Variants in SSBP2 observed in about 807,000 individuals in gnomAD.
SSBP2 encodes the protein single stranded DNA binding protein 2.
A neutral mutation model predicts 61.8 loss-of-function variants in SSBP2; 17 were observed. The ratio of observed to expected loss-of-function variants is 0.28; its 90% CI spans 0.19 to 0.41. The LOEUF (loss-of-function observed/expected upper bound fraction) is 0.41. SSBP2 is among the 10% of genes least tolerant of loss of function. SSBP2 has a pLI of 1.00. For synonymous variants in SSBP2, 139 were observed against 141.3 expected, an observed-to-expected ratio of 0.98 and a Z score of 0.12; for missense variants, 310 against 458.7, an observed-to-expected ratio of 0.68 and a Z score of 2.96.
chr5:81,488,027 AT>A (rs1276101398), intron 6 of SSBP2, among the ~76,000 whole-genome samples: 2 of 16,106 alleles, frequency 1.2e-4, no homozygotes, highest in Non-Finnish European at 2.4e-4. Flanking sequence ...ATATATATAT[AT>A]ATATATATAT....
chr5:81,488,908 A>C (rs1397890077), intron 6 of SSBP2, among the ~76,000 whole-genome samples: 1 of 152,114 alleles, frequency 6.6e-6, no homozygotes, highest in Non-Finnish European at 1.5e-5. Flanking sequence ...GGTAGACTCC[A>C]AGAATGGGCA....
At chr5:81,480,768 C>T in intron 6 of SSBP2, among the ~76,000 whole-genome samples, 1 of 152,200 alleles carries the variant, frequency 6.6e-6, no homozygotes, top group East Asian at 1.9e-4. Context: ...CTTCCTTTCA[C>T]AAATGATTTC....
At chr5:81,748,957 C>T (rs1054464278) in intron 1 of SSBP2, among the ~76,000 whole-genome samples, 19 of 152,112 alleles carry the variant, frequency 1.2e-4, no homozygotes, top group Non-Finnish European at 2.8e-4. Flanking sequence ...AAAGTTCACC[C>T]CTTCCTGGAA....
At chr5:81,646,474 G>GT (rs1436514956) in intron 2 of SSBP2, among the ~76,000 whole-genome samples, 3 of 151,886 alleles carry the variant, frequency 2.0e-5, no homozygotes, top group African/African-American at 4.8e-5. Context: ...AGGTAAGATT[G>GT]TTTTTTTACT....
intron 5 of SSBP2, among the ~76,000 whole-genome samples, chr5:81,506,016 AT>A (rs1287293714): frequency 6.6e-6 from 1 of 152,114 alleles, no homozygotes; most frequent in Non-Finnish European, 1.5e-5. Context: ...CTGAATTGCA[AT>A]TTTTAAAAAA....
chr5:81,634,263 C>A (rs1188741621), intron 3 of SSBP2, among the ~76,000 whole-genome samples: 1 of 152,354 alleles, frequency 6.6e-6, no homozygotes, highest in South Asian at 2.1e-4. Context: ...CCAGACAGTT[C>A]TTTTCCATTG....
chr5:81,631,189 C>A (rs965116172), intron 3 of SSBP2, among the ~76,000 whole-genome samples: 3 of 152,114 alleles, frequency 2.0e-5, no homozygotes, highest in African/African-American at 4.8e-5. Flanking sequence ...TGTAGTGAAC[C>A]GTTGGAACAA....
At chr5:81,694,644 C>G (rs1753468834) in intron 1 of SSBP2, among the ~76,000 whole-genome samples, 1 of 152,006 alleles carries the variant, frequency 6.6e-6, no homozygotes, top group Non-Finnish European at 1.5e-5. Context: ...CCACCCTTAC[C>G]CCACCACCAC....
intron 1 of SSBP2, among the ~76,000 whole-genome samples, chr5:81,737,335 G>C (rs952081386): frequency 6.7e-6 from 1 of 148,416 alleles, no homozygotes; most frequent in Non-Finnish European, 1.5e-5. Flanking sequence ...TTCCAGTTAA[G>C]TCTTCTCTCT....
At chr5:81,465,415 A>G (rs956747966) in intron 9 of SSBP2, among the ~76,000 whole-genome samples, 2 of 152,018 alleles carry the variant, frequency 1.3e-5, no homozygotes, top group Non-Finnish European at 2.9e-5. Context: ...TATATCTGGG[A>G]AAGAAACTAG....
rs1166643968 is a variant in SSBP2, at chr5:81,563,980, T to C, written c.283-50263A>G. 2.0e-5 allele frequency among the ~76,000 whole-genome samples: 3 copies of C among 152,146 alleles called. No individual in the cohort carries two copies. The East Asian group carries it at 5.8e-4, about 29-fold the overall frequency. On this transcript the variant is annotated intron_variant, in intron 4 of 16. Coordinates refer to ENST00000320672, the MANE Select transcript of SSBP2 (RefSeq NM_012446.5). ...GAAGAAAATATTTGCAAACCATATA[T>C]CTAATATCTAATAATGGGTTCATCC... is the stretch of plus-strand genomic sequence containing the variant.
At chr5:81,734,826 C>T (rs1420367169) in intron 1 of SSBP2, among the ~76,000 whole-genome samples, 5 of 151,918 alleles carry the variant, frequency 3.3e-5, no homozygotes, top group African/African-American at 1.2e-4. Context: ...AAAAAACTAG[C>T]CGGGCGTGGA....
chr5:81,557,432 G>C (rs922935106), intron 4 of SSBP2, among the ~76,000 whole-genome samples: 1 of 151,926 alleles, frequency 6.6e-6, no homozygotes. Context: ...CGTTTTTTCT[G>C]TCCTCCTTAT....
intron 3 of SSBP2, among the ~76,000 whole-genome samples, chr5:81,630,140 A>G (rs2153655483): frequency 6.6e-6 from 1 of 152,372 alleles, no homozygotes; most frequent in African/African-American, 2.4e-5. Context: ...TGAGCAAATG[A>G]GCAAGCAGTA....
chr5:81,592,202 C>G (rs989678420), intron 4 of SSBP2, among the ~76,000 whole-genome samples: 14 of 152,218 alleles, frequency 9.2e-5, no homozygotes. Context: ...GCACTTGGCT[C>G]GGAGGGTCCT....
chr5:81,444,237 T>A (rs544175331), intron 12 of SSBP2, among the ~76,000 whole-genome samples: 12 of 152,346 alleles, frequency 7.9e-5, no homozygotes, highest in African/African-American at 2.6e-4. Context: ...TTTACATCCT[T>A]GTGTATGCTA....
In SSBP2 at chr5:81,417,279, G is replaced by C. The variant is rs1190952084; in HGVS notation, c.*3225C>G. ...AAGATTCACCCATCAAATATGTGTTGTATTACAAGATCAATGACACCCTAC... is the reference window on the plus strand; with the variant it reads ...AAGATTCACCCATCAAATATGTGTTCTATTACAAGATCAATGACACCCTAC... On this transcript the variant is annotated 3_prime_UTR_variant, in exon 17 of 17. Transcript: ENST00000320672. 2 of 152,170 alleles carry C rather than the reference G, an allele frequency of 1.3e-5. No homozygotes were observed. The highest frequency in any genetic ancestry group is 2.9e-5 in the Non-Finnish European group (2 of 68,028). 9.4% of individuals were successfully genotyped at this position (152,170 alleles called of 1,614,324 possible).
chr5:81,583,522 G>A (rs897624456), intron 4 of SSBP2, among the ~76,000 whole-genome samples: 1 of 151,684 alleles, frequency 6.6e-6, no homozygotes, highest in Non-Finnish European at 1.5e-5. Context: ...CCCAGCTACT[G>A]GAGAGGCTGA....
intron 4 of SSBP2, among the ~76,000 whole-genome samples, chr5:81,587,228 G>A (rs576496057): frequency 2.6e-4 from 40 of 152,172 alleles, no homozygotes; most frequent in Non-Finnish European, 2.4e-4. Flanking sequence ...ACTATATTTT[G>A]TCTCATTTAC....
Sources: allele counts gnomAD v4.1 joint callset (sites outside exome capture counted in the v4.1 genomes callset), GRCh38; gene constraint gnomAD v4.1.1; transcripts MANE v1.5; gene names NCBI Gene and HGNC (gene_info 2026-07-23, HGNC 2026-07-21).